The following MAGI2 variants were observed in gnomAD, a reference collection of about 807,000 sequenced individuals.
MAGI2 encodes the protein membrane-associated guanylate kinase, WW and PDZ domain-containing protein 2.
MAGI2 carries 35 observed loss-of-function variants against 133.3 expected under a neutral mutation model. The ratio of observed to expected loss-of-function variants is 0.26; its 90% CI spans 0.20 to 0.35. MAGI2 has a LOEUF of 0.35. Ranked by LOEUF, MAGI2 falls within the 10% of genes least tolerant of loss-of-function variation. MAGI2 has a pLI of 1.00. For missense variants in MAGI2, 1,636 were observed against 1,863.4 expected (o/e 0.88, Z 2.25); for synonymous variants, 729 against 710.6 (o/e 1.03, Z -0.41).
At chr7:79,200,990 C>T (rs1479766956) in intron 1 of MAGI2, among the ~76,000 whole-genome samples, 2 of 151,962 alleles carry the variant, frequency 1.3e-5, no homozygotes, top group Non-Finnish European at 2.9e-5. Context: ...TAAAATGTCA[C>T]GAGTACACAC....
At chr7:79,028,583 G>T (rs1353298494) in intron 1 of MAGI2, among the ~76,000 whole-genome samples, 1 of 151,448 alleles carries the variant, frequency 6.6e-6, no homozygotes, top group Non-Finnish European at 1.5e-5. Context: ...GAGAATCAGG[G>T]GCTAGCACAA....
chr7:78,841,508 A>C (rs1792140108), intron 2 of MAGI2, among the ~76,000 whole-genome samples: 1 of 151,862 alleles, frequency 6.6e-6, no homozygotes. Flanking sequence ...TGCCTTATGC[A>C]TCCCTCTCAT....
intron 20 of MAGI2, among the ~76,000 whole-genome samples, chr7:78,101,902 C>T (rs62461187): frequency 0.12 from 18,239 of 152,080 alleles, 1,352 homozygotes; most frequent in Middle Eastern, 0.19. Flanking sequence ...TGAAGAAATC[C>T]GTGTATGCCC....
chr7:78,683,156 G>A (rs763029549), intron 2 of MAGI2, among the ~76,000 whole-genome samples: 1 of 152,152 alleles, frequency 6.6e-6, no homozygotes, highest in Non-Finnish European at 1.5e-5. Flanking sequence ...GAGTCCTGAA[G>A]TGTTTATAGT....
At chr7:78,425,271 T>C in intron 6 of MAGI2, among the ~76,000 whole-genome samples, 1 of 152,210 alleles carries the variant, frequency 6.6e-6, no homozygotes, top group East Asian at 1.9e-4. Context: ...TCATGTAAGA[T>C]ATGACTTGCT....
intron 6 of MAGI2, among the ~76,000 whole-genome samples, chr7:78,395,272 G>T (rs1796239172): frequency 6.6e-6 from 1 of 152,164 alleles, no homozygotes; most frequent in African/African-American, 2.4e-5. Flanking sequence ...TATAGTGAGA[G>T]AAATAGACTG....
At chr7:78,591,622 T>C (rs1804014844) in intron 3 of MAGI2, among the ~76,000 whole-genome samples, 1 of 152,188 alleles carries the variant, frequency 6.6e-6, no homozygotes, top group Non-Finnish European at 1.5e-5. Context: ...AGGAAGGTAG[T>C]CTCTGAGTTG....
intron 9 of MAGI2, among the ~76,000 whole-genome samples, chr7:78,262,981 C>T (rs1793657159): frequency 6.6e-6 from 1 of 152,126 alleles, no homozygotes; most frequent in African/African-American, 2.4e-5. Context: ...TCCCGTCTCT[C>T]CCTCCTCTGT....
intron 1 of MAGI2, among the ~76,000 whole-genome samples, chr7:79,180,626 T>C (rs1826529391): frequency 6.6e-6 from 1 of 151,962 alleles, no homozygotes; most frequent in Non-Finnish European, 1.5e-5. Flanking sequence ...CACATAATTC[T>C]GCCCCAGCGC....
chr7:78,020,060 G>C lies in MAGI2; in HGVS notation c.3707-84C>G. On this transcript the variant is annotated intron_variant, in intron 21 of 21. Transcript: ENST00000354212. The stretch of plus-strand genomic sequence containing the variant: ...TCTACGCCGGGGACAGGGGCAGGCA[G>C]CTGGGGCGATTGCTCTCAGGGGCCG... 3.2e-6 allele frequency: 4 copies of C among 1,260,064 alleles called. No individual in the cohort carries two copies. The South Asian group carries it at 6.2e-5, about 19-fold the overall frequency. The allele number at this position is 1,260,064 out of a possible 1,614,324, so 78.1% of individuals were successfully genotyped here.
At chr7:78,530,417 AG>A (rs1797363379) in intron 3 of MAGI2, among the ~76,000 whole-genome samples, 1 of 152,222 alleles carries the variant, frequency 6.6e-6, no homozygotes, top group African/African-American at 2.4e-5. Context: ...ATTAAGATAT[AG>A]GATAGAAGGT....
intron 21 of MAGI2, among the ~76,000 whole-genome samples, chr7:78,025,244 A>G (rs1188613160): frequency 1.3e-5 from 2 of 152,210 alleles, no homozygotes; most frequent in Admixed American, 1.3e-4. Context: ...TCTAAAAAGA[A>G]CATGGCGGGT....
intron 2 of MAGI2, among the ~76,000 whole-genome samples, chr7:78,750,529 G>A (rs902444670): frequency 3.3e-5 from 5 of 152,138 alleles, no homozygotes; most frequent in African/African-American, 9.7e-5. Flanking sequence ...GACTGCTCCT[G>A]TCTTACAAGA....
At chr7:79,343,550 A>T (rs951971714) in intron 1 of MAGI2, among the ~76,000 whole-genome samples, 5 of 3,066 alleles carry the variant, frequency 1.6e-3, no homozygotes, top group African/African-American at 4.3e-3. Context: ...ATTTTCTTTA[A>T]AAAAAAAAAA....
intron 18 of MAGI2, among the ~76,000 whole-genome samples, chr7:78,128,720 T>A (rs958558142): frequency 6.6e-6 from 1 of 152,202 alleles, no homozygotes; most frequent in Non-Finnish European, 1.5e-5. Context: ...ATGTATTTAC[T>A]TGGGGCTCCT....
At chr7:78,205,363 T>A (rs1234631649) in intron 10 of MAGI2, among the ~76,000 whole-genome samples, 1 of 148,786 alleles carries the variant, frequency 6.7e-6, no homozygotes, top group Non-Finnish European at 1.5e-5. Flanking sequence ...AACTCCTGGC[T>A]TAAAGTGATC....
intron 1 of MAGI2, among the ~76,000 whole-genome samples, chr7:79,428,102 G>C (rs540126693): frequency 4.0e-4 from 61 of 152,246 alleles, no homozygotes; most frequent in African/African-American, 1.3e-3. Context: ...AAAGTGACAA[G>C]TAAGTTGACT....
intron 2 of MAGI2, among the ~76,000 whole-genome samples, chr7:78,784,235 C>T (rs542031114): frequency 6.7e-6 from 1 of 150,004 alleles, no homozygotes; most frequent in East Asian, 2.0e-4. Flanking sequence ...TGTTGGGGCT[C>T]AGGAAACAAT....
chr7:78,703,883 C>T (rs1818332953), intron 2 of MAGI2, among the ~76,000 whole-genome samples: 1 of 150,468 alleles, frequency 6.6e-6, no homozygotes, highest in Non-Finnish European at 1.5e-5. Flanking sequence ...ACTAGAGGAA[C>T]AAAATTAGTT....
Sources: allele counts gnomAD v4.1 joint callset (sites outside exome capture counted in the v4.1 genomes callset), GRCh38; gene constraint gnomAD v4.1.1; transcripts MANE v1.5; gene names NCBI Gene and HGNC (gene_info 2026-07-23, HGNC 2026-07-21).